FAM83D: variants seen among roughly 807,000 people sequenced by gnomAD.
FAM83D encodes scaffolding CK1 anchoring protein D, also known as protein FAM83D.
A neutral mutation model predicts 25.4 loss-of-function variants in FAM83D; 26 were observed. The observed-to-expected ratio is 1.02, with a 90% confidence interval of 0.75 to 1.42. The LOEUF is 1.42. FAM83D is among the 40% of genes most tolerant of loss of function. The probability of loss-of-function intolerance (pLI) is 0.00; values close to 1 mark genes in which losing one functional copy is unlikely to be tolerated. For synonymous variants in FAM83D, 310 were observed against 318.5 expected (o/e 0.97, Z 0.28); for missense variants, 740 against 758.1 (o/e 0.98, Z 0.28).
chr20:38,933,737 C>T (rs887945363), intron 1 of FAM83D, among the ~76,000 whole-genome samples: 2 of 152,102 alleles, frequency 1.3e-5, no homozygotes, highest in African/African-American at 2.4e-5. Flanking sequence ...TGTCACTAGC[C>T]GAATCTCCAG....
intron 1 of FAM83D, among the ~76,000 whole-genome samples, chr20:38,938,598 G>C (rs2085688264): frequency 6.6e-6 from 1 of 152,148 alleles, no homozygotes; most frequent in Non-Finnish European, 1.5e-5. Context: ...TCTTTTTGAA[G>C]GTTTTACTGC....
At chr20:38,930,903 T>G (rs2085656351) in intron 1 of FAM83D, among the ~76,000 whole-genome samples, 1 of 152,220 alleles carries the variant, frequency 6.6e-6, no homozygotes, top group Non-Finnish European at 1.5e-5. Context: ...CCCAAAATGC[T>G]GGGATTACAG....
At position 38,951,113 on chromosome 20, in the gene FAM83D, G is replaced by A. The variant is rs185942822; in HGVS notation, c.777-426G>A. Among the ~76,000 whole-genome samples the A allele has an allele frequency of 3.1e-3, 468 of 152,206 alleles. 4 individuals carry two copies. The highest frequency in any genetic ancestry group is 0.011 in the African/African-American group (447 of 41,536). ...GCTGGGATTACAGTCATGAGCCACC[G>A]CGCCTGGCCCCCTTTCCAGTTTTTA... is the stretch of plus-strand genomic sequence containing the variant. On this transcript the variant is annotated intron_variant, in intron 3 of 3. Transcript: ENST00000619850.
At chr20:38,944,938 CAAA>C (rs778097440) in intron 2 of FAM83D, among the ~76,000 whole-genome samples, 6 of 106,774 alleles carry the variant, frequency 5.6e-5, no homozygotes, top group Admixed American at 3.0e-4. Context: ...GACTCTGTCT[CAAA>C]AAAAAAAAAA....
intron 1 of FAM83D, 125 bp from the exon 2 acceptor site, chr20:38,941,834 G>C: frequency 1.1e-6 from 1 of 918,812 alleles, no homozygotes; most frequent in Non-Finnish European, 1.7e-6. Flanking sequence ...GCAGAAGGGG[G>C]AGGGAAGGAT....
intron 1 of FAM83D, among the ~76,000 whole-genome samples, chr20:38,938,300 G>A (rs2085687026): frequency 6.6e-6 from 1 of 152,214 alleles, no homozygotes; most frequent in Non-Finnish European, 1.5e-5. Context: ...TCCAGCAGCT[G>A]GGCTGGGTTT....
intron 1 of FAM83D, among the ~76,000 whole-genome samples, chr20:38,928,583 G>GA (rs1271993473): frequency 6.6e-6 from 1 of 152,200 alleles, no homozygotes. Flanking sequence ...AAAATGTAAA[G>GA]AACTGGTCTG....
Position 38,951,986 on chromosome 20 carries a change from A to G in FAM83D, c.1224A>G (p.Gly408=), listed in dbSNP as rs780284493. The G allele has an allele frequency of 2.5e-6, 4 of 1,614,168 alleles. No individual in the cohort carries two copies. In the Admixed American group the frequency reaches 6.7e-5, roughly 27 times the overall value. Residue 408 remains glycine, a synonymous_variant, in exon 4 of 4, where the codon GGA becomes GGG. Coordinates refer to ENST00000619850, the MANE Select transcript of FAM83D (RefSeq NM_030919.3). ...EMPGLSVSEV[G]TQTSITTACA... is the part of the protein sequence containing the mutation. Reference sequence around the variant, plus strand: ...CAGGGCTGAGTGTGAGTGAGGTGGGAACACAAACCAGCATCACCACAGCAT... The same window carrying G: ...CAGGGCTGAGTGTGAGTGAGGTGGGGACACAAACCAGCATCACCACAGCAT...
At chr20:38,948,633 T>A (rs568875315) in intron 3 of FAM83D, among the ~76,000 whole-genome samples, 2 of 152,358 alleles carry the variant, frequency 1.3e-5, no homozygotes, top group African/African-American at 4.8e-5. Flanking sequence ...TTTGTACATA[T>A]GTGGCTCCAA....
At chr20:38,942,343 C>T (rs2085706627) in intron 2 of FAM83D, among the ~76,000 whole-genome samples, 1 of 152,014 alleles carries the variant, frequency 6.6e-6, no homozygotes, top group Admixed American at 6.6e-5. Context: ...TGGGCCCCCA[C>T]AAAAATTTAT....
At chr20:38,933,387 T>G (rs2085665826) in intron 1 of FAM83D, among the ~76,000 whole-genome samples, 1 of 152,202 alleles carries the variant, frequency 6.6e-6, no homozygotes, top group African/African-American at 2.4e-5. Context: ...ATTGTACACT[T>G]AAAAATTATT....
intron 2 of FAM83D, 136 bp from the exon 3 acceptor site, chr20:38,947,740 T>C: frequency 1.1e-6 from 1 of 948,946 alleles, no homozygotes; most frequent in Non-Finnish European, 1.6e-6. Flanking sequence ...TGTCACTAAA[T>C]GGTGACCCTA....
chr20:38,926,685 G>A lies in FAM83D; in HGVS notation c.243G>A (p.Ala81=). The A allele has an allele frequency of 6.6e-7, 1 of 1,516,672 alleles. No homozygotes were observed. Among genetic ancestry groups the A allele is most frequent in the African/African-American group, 1.4e-5 (1 of 70,652 alleles). 94.0% of individuals were successfully genotyped at this position (1,516,672 alleles called of 1,614,324 possible). The change falls in exon 1 of 4, where the codon GCG becomes GCA. Residue 81 remains alanine, a synonymous_variant. Coordinates refer to ENST00000619850, the MANE Select transcript of FAM83D (RefSeq NM_030919.3). ...AGAGGCCGGGAGAGGAGGGCGCGGC[G>A]GCGGCGGCGGCGGCCGAGGACTCGT... The part of the protein sequence containing the change: ...AAERPGEEGA[A]AAAAAEDSFG...
intron 2 of FAM83D, among the ~76,000 whole-genome samples, chr20:38,947,470 T>C (rs1302830991): frequency 6.6e-6 from 1 of 152,256 alleles, no homozygotes; most frequent in African/African-American, 2.4e-5. Context: ...CTTACCTTCT[T>C]TCAGACTTTG....
At position 38,926,835 on chromosome 20, in the gene FAM83D, C is replaced by T; in HGVS notation, c.393C>T (p.Val131=). The change falls in exon 1 of 4, where the codon GTC becomes GTT. Residue 131 remains valine, a synonymous_variant. Transcript: ENST00000619850. ...YQGAYRGATR[V]ETHFQPRGAG... ...GCGCCTACCGCGGCGCCACGCGTGT[C>T]GAGACGCACTTCCAGCCCCGCGGCG... 1.3e-6 allele frequency: 2 copies of T among 1,533,780 alleles called. No individual in the cohort carries two copies. Among genetic ancestry groups the T allele is most frequent in the Non-Finnish European group, 1.7e-6 (2 of 1,145,422 alleles).
intron 2 of FAM83D, among the ~76,000 whole-genome samples, chr20:38,945,336 A>C (rs2085722192): frequency 6.6e-6 from 1 of 152,150 alleles, no homozygotes. Flanking sequence ...CACCTCCTCC[A>C]GGAAGCTCTC....
chr20:38,930,289 T>C (rs969016884), intron 1 of FAM83D, among the ~76,000 whole-genome samples: 1 of 152,202 alleles, frequency 6.6e-6, no homozygotes, highest in African/African-American at 2.4e-5. Context: ...TCAGTTTCTG[T>C]GCTAAACCCT....
At chr20:38,940,612 C>T (rs1186780972) in intron 1 of FAM83D, among the ~76,000 whole-genome samples, 2 of 152,230 alleles carry the variant, frequency 1.3e-5, no homozygotes, top group Non-Finnish European at 2.9e-5. Flanking sequence ...CTCCAGACTA[C>T]AGAAGAGCCC....
chr20:38,949,138 A>C (rs1453196848), intron 3 of FAM83D, among the ~76,000 whole-genome samples: 2 of 149,180 alleles, frequency 1.3e-5, no homozygotes, highest in Non-Finnish European at 3.0e-5. Flanking sequence ...TAGGTGCTTT[A>C]TTTACATTAT....
Sources: allele counts gnomAD v4.1 joint callset (sites outside exome capture counted in the v4.1 genomes callset), GRCh38; gene constraint gnomAD v4.1.1; transcripts MANE v1.5; gene names NCBI Gene and HGNC (gene_info 2026-07-23, HGNC 2026-07-21).